Variants in OXR1 observed in about 807,000 individuals in gnomAD.
OXR1 encodes oxidation resistance protein 1.
OXR1 carries 41 observed loss-of-function variants against 104.6 expected under a neutral mutation model. The ratio of observed to expected loss-of-function variants is 0.39; its 90% CI spans 0.31 to 0.51. The LOEUF (loss-of-function observed/expected upper bound fraction) is 0.51. OXR1 is among the 20% of genes least tolerant of loss of function. The pLI, the probability that OXR1 is intolerant of heterozygous loss-of-function variation, is 0.77. For missense variants in OXR1, 955 were observed against 1,031.9 expected (o/e 0.93, Z 1.02); for synonymous variants, 348 against 348.4 (o/e 1.00, Z 0.01).
chr8:106,704,542 C>T (rs899451235), intron 8 of OXR1, among the ~76,000 whole-genome samples: 10 of 151,614 alleles, frequency 6.6e-5, no homozygotes, highest in Non-Finnish European at 1.2e-4. Flanking sequence ...AGAATACAGA[C>T]ACCTGCCACC....
At chr8:106,702,312 G>A (rs1830656422) in intron 7 of OXR1, among the ~76,000 whole-genome samples, 2 of 152,118 alleles carry the variant, frequency 1.3e-5, no homozygotes, top group African/African-American at 4.8e-5. Context: ...TTCATGGTGA[G>A]TTAAAAGTAT....
chr8:106,386,717 G>A (rs1158594228), intron 2 of OXR1, among the ~76,000 whole-genome samples: 10 of 152,174 alleles, frequency 6.6e-5, no homozygotes, highest in Non-Finnish European at 1.5e-4. Flanking sequence ...CTCCCTGGAA[G>A]GGAACAGTCA....
At chr8:106,481,034 C>T (rs914274435) in intron 2 of OXR1, among the ~76,000 whole-genome samples, 2 of 151,886 alleles carry the variant, frequency 1.3e-5, no homozygotes, top group South Asian at 2.1e-4. Context: ...TATGGCTTAC[C>T]AAGTAAATAA....
intron 16 of OXR1, among the ~76,000 whole-genome samples, chr8:106,747,110 GC>G (rs1488350379): frequency 1.3e-5 from 2 of 152,114 alleles, no homozygotes; most frequent in East Asian, 3.9e-4. Context: ...CAAGGGAAAA[GC>G]ACCCCAAAAG....
At chr8:106,381,726 A>G (rs1817157942) in intron 2 of OXR1, among the ~76,000 whole-genome samples, 1 of 152,162 alleles carries the variant, frequency 6.6e-6, no homozygotes, top group African/African-American at 2.4e-5. Flanking sequence ...GGGTCAATTC[A>G]TTCATGAAGA....
intron 11 of OXR1, chr8:106,726,134 G>A (rs971022617): frequency 7.0e-7 from 1 of 1,418,770 alleles, no homozygotes; most frequent in Non-Finnish European, 9.1e-7. Flanking sequence ...AAACTGTTTT[G>A]TCACTGTAGT....
At chr8:106,312,716 C>T (rs1466985125) in intron 1 of OXR1, among the ~76,000 whole-genome samples, 1 of 152,166 alleles carries the variant, frequency 6.6e-6, no homozygotes, top group Non-Finnish European at 1.5e-5. Flanking sequence ...TAACAAATGT[C>T]AGTTTTTTGA....
intron 1 of OXR1, among the ~76,000 whole-genome samples, chr8:106,324,022 A>G (rs547568667): frequency 6.6e-6 from 1 of 152,358 alleles, no homozygotes; most frequent in East Asian, 1.9e-4. Context: ...ATATACCCAG[A>G]GGAATATAAA....
At chr8:106,693,969 C>G (rs984060159) in intron 7 of OXR1, among the ~76,000 whole-genome samples, 6 of 152,006 alleles carry the variant, frequency 3.9e-5, no homozygotes, top group Non-Finnish European at 7.4e-5. Flanking sequence ...GCATTTTGCC[C>G]TAAATATTGT....
chr8:106,548,515 C>T (rs1815550682), intron 3 of OXR1, among the ~76,000 whole-genome samples: 1 of 152,100 alleles, frequency 6.6e-6, no homozygotes, highest in Non-Finnish European at 1.5e-5. Context: ...GAGGCAACAA[C>T]TATAAAAATG....
At chr8:106,686,906 C>A (rs965188546) in intron 6 of OXR1, among the ~76,000 whole-genome samples, 5 of 151,898 alleles carry the variant, frequency 3.3e-5, no homozygotes, top group Non-Finnish European at 7.4e-5. Flanking sequence ...GGAGATAGAA[C>A]CAAAGTAATG....
intron 8 of OXR1, among the ~76,000 whole-genome samples, chr8:106,704,393 C>CTTTTTTTTTTTTTTTTTTTTTT (rs71307084): frequency 2.1e-5 from 1 of 47,886 alleles, no homozygotes; most frequent in African/African-American, 1.0e-4. Context: ...CTTTCTTCTT[C>CTTTTTTTTTTTTTTTTTTTTTT]TTTTTTTTTT....
intron 1 of OXR1, among the ~76,000 whole-genome samples, chr8:106,351,226 G>A (rs765766115): frequency 2.6e-5 from 4 of 152,040 alleles, no homozygotes; most frequent in African/African-American, 4.8e-5. Flanking sequence ...CCTAGGCACC[G>A]TGCTAGGCCA....
intron 2 of OXR1, among the ~76,000 whole-genome samples, chr8:106,464,004 T>C (rs993926584): frequency 6.6e-6 from 1 of 152,090 alleles, no homozygotes; most frequent in Non-Finnish European, 1.5e-5. Context: ...AATGTAGTTA[T>C]AGGGTCTCAT....
Position 106,305,877 on chromosome 8 carries a change from CA to C in OXR1, c.-139+35511del, listed in dbSNP as rs1251873267. Among the ~76,000 whole-genome samples, 2 of 152,242 alleles carry C rather than the reference CA, an allele frequency of 1.3e-5. 1 individual carries two copies. The highest frequency in any genetic ancestry group is 4.1e-4 in the South Asian group (2 of 4,826). On this transcript the variant is annotated intron_variant, in intron 1 of 16. Coordinates refer to ENST00000517566, the MANE Select transcript of OXR1 (RefSeq NM_001198533.2). ...ATTTGCTATTTCTAACTCAAAGCCACAGTTTTATACTAGAGAAAAAACTGAG... is the reference window on the plus strand; with the variant it reads ...ATTTGCTATTTCTAACTCAAAGCCACGTTTTATACTAGAGAAAAAACTGAG...
At chr8:106,348,862 T>C (rs941282778) in intron 1 of OXR1, among the ~76,000 whole-genome samples, 1 of 152,264 alleles carries the variant, frequency 6.6e-6, no homozygotes, top group African/African-American at 2.4e-5. Flanking sequence ...AGATATAGCA[T>C]AGGCCACACT....
intron 3 of OXR1, among the ~76,000 whole-genome samples, chr8:106,677,320 T>C (rs1051012893): frequency 6.6e-6 from 1 of 152,184 alleles, no homozygotes; most frequent in Non-Finnish European, 1.5e-5. Context: ...TATTTTATCT[T>C]AAAATAGTTT....
At chr8:106,523,561 T>G (rs1178439818) in intron 3 of OXR1, among the ~76,000 whole-genome samples, 1 of 152,178 alleles carries the variant, frequency 6.6e-6, no homozygotes, top group Non-Finnish European at 1.5e-5. Flanking sequence ...TTTCATTTTT[T>G]TAAAATACAG....
rs150611426 is a variant in OXR1 at position 106,296,246 on chromosome 8, C to T, written c.-139+25879C>T. Among the ~76,000 whole-genome samples, 1,002 of 152,270 alleles carry T rather than the reference C, an allele frequency of 6.6e-3. 35 individuals carry two copies. Among genetic ancestry groups the T allele is most frequent in the Admixed American group, 0.052 (799 of 15,292 alleles). On this transcript the variant is annotated intron_variant, in intron 1 of 16. Coordinates refer to ENST00000517566, the MANE Select transcript of OXR1 (RefSeq NM_001198533.2). Reference sequence around the variant, plus strand: ...AGCAATCAATTGTTCTATCAACTTTCGCTTAGCTACAGGTGAGTTCTCCAA... The same window carrying T: ...AGCAATCAATTGTTCTATCAACTTTTGCTTAGCTACAGGTGAGTTCTCCAA...
Sources: allele counts gnomAD v4.1 joint callset (sites outside exome capture counted in the v4.1 genomes callset), GRCh38; gene constraint gnomAD v4.1.1; transcripts MANE v1.5; gene names NCBI Gene and HGNC (gene_info 2026-07-23, HGNC 2026-07-21).